Variants in ACOXL observed in about 807,000 individuals in gnomAD.
ACOXL encodes acyl-coenzyme A oxidase-like protein.
A neutral mutation model predicts 71.9 loss-of-function variants in ACOXL; 70 were observed. The observed-to-expected ratio is 0.97, with a 90% CI of 0.80 to 1.19. The LOEUF is 1.19. Among genes scored for constraint, ACOXL ranks in the 50% most tolerant of loss-of-function variants. The pLI is 0.00. For synonymous variants in ACOXL, 253 were observed against 281.6 expected (o/e 0.90, Z 1.02); for missense variants, 703 against 736.3 (o/e 0.95, Z 0.52).
At chr2:110,843,297 G>A (rs1573790281) in intron 10 of ACOXL, among the ~76,000 whole-genome samples, 1 of 152,286 alleles carries the variant, frequency 6.6e-6, no homozygotes, top group Admixed American at 6.5e-5. Context: ...TGGGATTACA[G>A]GAGTGAGCCA....
chr2:111,045,869 G>T (rs749442079), intron 15 of ACOXL, among the ~76,000 whole-genome samples: 1 of 152,174 alleles, frequency 6.6e-6, no homozygotes, highest in Non-Finnish European at 1.5e-5. Flanking sequence ...GCCAGCCCAC[G>T]AAGGGCACTG....
At chr2:111,117,122 G>T (rs72836344) in intron 17 of ACOXL, among the ~76,000 whole-genome samples, 10,909 of 152,328 alleles carry the variant, frequency 0.072, 564 homozygotes, top group Non-Finnish European at 0.11. Context: ...CTAGTCTGGG[G>T]AGACTGGAGC....
chr2:111,117,516 C>A, intron 17 of ACOXL, 100 bp from the exon 18 acceptor site: 1 of 1,249,696 alleles, frequency 8.0e-7, no homozygotes, highest in Non-Finnish European at 1.1e-6. Context: ...GTTTCCGGGG[C>A]CGCTGTGTGT....
intron 12 of ACOXL, among the ~76,000 whole-genome samples, chr2:110,977,275 A>T (rs551475590): frequency 6.6e-6 from 1 of 151,988 alleles, no homozygotes; most frequent in South Asian, 2.1e-4. Flanking sequence ...AGTCCCAGCT[A>T]CTCAGGAGGC....
intron 10 of ACOXL, among the ~76,000 whole-genome samples, chr2:110,851,120 A>T (rs1692549235): frequency 6.6e-6 from 1 of 152,244 alleles, no homozygotes; most frequent in South Asian, 2.1e-4. Context: ...GGAGGAGTTG[A>T]CTAGAAAGCA....
chr2:110,822,320 C>CT (rs1343681041), intron 9 of ACOXL, among the ~76,000 whole-genome samples: 1 of 152,188 alleles, frequency 6.6e-6, no homozygotes, highest in Non-Finnish European at 1.5e-5. Flanking sequence ...GTAGGGTCTT[C>CT]TAGCCTTTCT....
chr2:111,054,274 C>A (rs2149849560), intron 16 of ACOXL, among the ~76,000 whole-genome samples: 1 of 152,278 alleles, frequency 6.6e-6, no homozygotes, highest in African/African-American at 2.4e-5. Flanking sequence ...AAGTTGCAAC[C>A]TTTGGCAGGG....
At chr2:110,915,728 A>G (rs905047461) in intron 11 of ACOXL, among the ~76,000 whole-genome samples, 3 of 152,046 alleles carry the variant, frequency 2.0e-5, no homozygotes, top group South Asian at 4.1e-4. Context: ...GTACCTGGCC[A>G]TATTATATAT....
chr2:110,918,209 A>G (rs1046910783), intron 11 of ACOXL, among the ~76,000 whole-genome samples: 3 of 152,196 alleles, frequency 2.0e-5, no homozygotes, highest in African/African-American at 4.8e-5. Context: ...ACCAAAACAA[A>G]TATATAGACC....
chr2:111,017,519 G>A (rs577689363), intron 14 of ACOXL, among the ~76,000 whole-genome samples: 1 of 152,344 alleles, frequency 6.6e-6, no homozygotes, highest in Non-Finnish European at 1.5e-5. Context: ...GGCCTTTATT[G>A]GGGAGGAGGC....
chr2:110,733,843 G>T (rs923189547), intron 1 of ACOXL, among the ~76,000 whole-genome samples: 3 of 152,180 alleles, frequency 2.0e-5, no homozygotes, highest in Non-Finnish European at 4.4e-5. Flanking sequence ...CTCAAAGTGT[G>T]GTACAGGGAG....
intron 9 of ACOXL, among the ~76,000 whole-genome samples, chr2:110,833,257 T>C (rs1346144331): frequency 6.6e-6 from 1 of 152,234 alleles, no homozygotes; most frequent in African/African-American, 2.4e-5. Context: ...AGGAATAAAC[T>C]ATTGATACAC....
chr2:111,040,831 G>T (rs1236991638), intron 15 of ACOXL, among the ~76,000 whole-genome samples: 1 of 152,166 alleles, frequency 6.6e-6, no homozygotes, highest in Non-Finnish European at 1.5e-5. Context: ...TGTGGTCGGG[G>T]TGTAGGGCCA....
At position 110,861,960 on chromosome 2, in the gene ACOXL, C is replaced by T. The variant is rs759290038; in HGVS notation, c.788+20555C>T. On this transcript the variant is annotated intron_variant, in intron 10 of 17. Transcript: ENST00000439055. ...TTGTGAATTTTGTGATGACAGATGG[C>T]GGAAGCATAAAAGGCACCTCCACGG... 8.5e-5 allele frequency among the ~76,000 whole-genome samples: 13 copies of T among 152,214 alleles called. No individual in the cohort carries two copies. In the South Asian group the frequency reaches 1.0e-3, roughly 12 times the overall value.
At chr2:110,802,182 A>G (rs1045135018) in intron 8 of ACOXL, among the ~76,000 whole-genome samples, 1 of 152,186 alleles carries the variant, frequency 6.6e-6, no homozygotes, top group African/African-American at 2.4e-5. Flanking sequence ...TATGTAATCA[A>G]TTTCTTATTG....
At chr2:110,864,295 G>A (rs1178878505) in intron 10 of ACOXL, among the ~76,000 whole-genome samples, 1 of 152,162 alleles carries the variant, frequency 6.6e-6, no homozygotes, top group Non-Finnish European at 1.5e-5. Flanking sequence ...GAACAGGGCT[G>A]ATGGGAGACA....
chr2:110,896,502 A>G (rs2059012576), intron 10 of ACOXL, among the ~76,000 whole-genome samples: 1 of 152,176 alleles, frequency 6.6e-6, no homozygotes, highest in African/African-American at 2.4e-5. Flanking sequence ...AAATGTAACA[A>G]TATAGGCAGG....
At chr2:110,756,372 G>T (rs1486851711) in intron 1 of ACOXL, among the ~76,000 whole-genome samples, 1 of 152,052 alleles carries the variant, frequency 6.6e-6, no homozygotes, top group Non-Finnish European at 1.5e-5. Flanking sequence ...CAGTTGATCC[G>T]CCCACATTGG....
At position 110,964,403 on chromosome 2, in the gene ACOXL, G is replaced by C. The variant is rs187398790; in HGVS notation, c.1060-22705G>C. Among the ~76,000 whole-genome samples, 59 of 152,328 alleles carry C rather than the reference G, an allele frequency of 3.9e-4. 1 individual carries two copies. The highest frequency in any genetic ancestry group is 1.2e-4 in the Non-Finnish European group (8 of 68,024). On this transcript the variant is annotated intron_variant, in intron 12 of 17. Transcript: ENST00000439055. ...TTTTAAAATAGTGCTTTCAGAGAGTGCTATTTATAACAGAAATTTAAAACT... is the reference window on the plus strand; with the variant it reads ...TTTTAAAATAGTGCTTTCAGAGAGTCCTATTTATAACAGAAATTTAAAACT...
Sources: gnomAD v4.1 joint callset for allele counts (sites outside exome capture counted in the v4.1 genomes callset) on GRCh38, gnomAD v4.1.1 for gene constraint, MANE v1.5 for transcripts, NCBI Gene and HGNC (gene_info 2026-07-23, HGNC 2026-07-21) for gene names.